Variants in ZNF527 observed in about 807,000 individuals in gnomAD.
The protein encoded by ZNF527 is zinc finger protein 527.
ZNF527 carries 5 observed loss-of-function variants against 13.5 expected under a neutral mutation model. The ratio of observed to expected loss-of-function variants is 0.37; its 90% CI spans 0.19 to 0.78. The LOEUF (loss-of-function observed/expected upper bound fraction) is 0.78, where lower values mean the gene tolerates loss of function less well. Ranked by LOEUF, ZNF527 falls within the 30% of genes least tolerant of loss-of-function variation. The probability of loss-of-function intolerance (pLI) is 0.48; values close to 1 mark genes in which losing one functional copy is unlikely to be tolerated. For synonymous variants in ZNF527, 209 were observed against 243.1 expected (o/e 0.86, Z 1.30); for missense variants, 628 against 726.4 (o/e 0.86, Z 1.56).
rs1454016682 is a variant in ZNF527, at chr19:37,388,608, A to G, written c.559A>G (p.Ile187Val). Reference protein sequence around the residue: ...VFLTQQKVPTIQQVHKFDIYD... With the variant: ...VFLTQQKVPTVQQVHKFDIYD... ...TTTAACACAACAGAAAGTTCCTACC[A>G]TACAGCAAGTACATAAATTTGATAT... is the stretch of plus-strand genomic sequence containing the variant. Residue 187 changes from isoleucine to valine, a missense_variant, in exon 5 of 5, where the codon ATA becomes GTA. Around this residue, in one of 3 missense-constraint regions of ZNF527, gnomAD observed 592 missense variants for 678.0 expected, o/e 0.87. Transcript: ENST00000436120. 1.2e-5 allele frequency: 19 copies of G among 1,614,016 alleles called. No individual in the cohort carries two copies. Among genetic ancestry groups the G allele is most frequent in the East Asian group, 2.2e-5 (1 of 44,888 alleles).
chr19:37,380,052 T>C, intron 3 of ZNF527: 2 of 710,162 alleles, frequency 2.8e-6, no homozygotes, highest in Non-Finnish European at 4.1e-6. Flanking sequence ...TCCTAGGTGA[T>C]GGCTGCAGCT....
chr19:37,380,205 C>T, intron 3 of ZNF527, 72 bp from the exon 4 acceptor site: 1 of 1,590,588 alleles, frequency 6.3e-7, no homozygotes, highest in South Asian at 1.1e-5. Context: ...TCCTAGACAG[C>T]TGTGGCATGT....
At position 37,390,275 on chromosome 19, in the gene ZNF527, C is replaced by T. The variant is rs191121542; in HGVS notation, c.*396C>T. 5.2e-4 allele frequency: 90 copies of T among 173,590 alleles called. No individual in the cohort carries two copies. Among genetic ancestry groups the T allele is most frequent in the Non-Finnish European group, 8.7e-4 (70 of 80,854 alleles). 10.8% of individuals were successfully genotyped at this position (173,590 alleles called of 1,614,324 possible). On this transcript the variant is annotated 3_prime_UTR_variant, in exon 5 of 5. Coordinates refer to ENST00000436120, the MANE Select transcript of ZNF527 (RefSeq NM_032453.2). Reference sequence around the variant, plus strand: ...AACTCCTGACTTTAGGTGATCCACACGCCTCAGACTCCCAAAGTGCTGGGA... The same window carrying T: ...AACTCCTGACTTTAGGTGATCCACATGCCTCAGACTCCCAAAGTGCTGGGA...
chr19:37,386,077 T>C (rs2040695574), intron 4 of ZNF527, among the ~76,000 whole-genome samples: 1 of 151,708 alleles, frequency 6.6e-6, no homozygotes, highest in Non-Finnish European at 1.5e-5. Context: ...ATAAGATCTT[T>C]GTTGTATTAA....
chr19:37,375,326 TCTTTCTTTCTTTC>T (rs1225738663), intron 2 of ZNF527, among the ~76,000 whole-genome samples: 4 of 147,738 alleles, frequency 2.7e-5, no homozygotes, highest in Admixed American at 6.8e-5. Context: ...TTTCTTTCTT[TCTTTCTTTCTTTC>T]CTTTCTTTCC....
At chr19:37,373,419 G>T (rs970285877) in intron 1 of ZNF527, among the ~76,000 whole-genome samples, 4 of 152,194 alleles carry the variant, frequency 2.6e-5, no homozygotes, top group Admixed American at 2.6e-4. Context: ...ATTACATAAG[G>T]CACAGTAAAA....
chr19:37,372,467 C>CTTTTTTTTT (rs1022024971), intron 1 of ZNF527, among the ~76,000 whole-genome samples: 31 of 65,654 alleles, frequency 4.7e-4, no homozygotes, highest in East Asian at 1.5e-3. Context: ...CTTTTCTTTT[C>CTTTTTTTTT]TTTTTTTTTT....
At chr19:37,373,374 G>T (rs1006478381) in intron 1 of ZNF527, among the ~76,000 whole-genome samples, 1 of 152,172 alleles carries the variant, frequency 6.6e-6, no homozygotes, top group Non-Finnish European at 1.5e-5. Context: ...AAAATTACTT[G>T]CCCAACACAG....
chr19:37,387,059 A>G (rs959016150), intron 4 of ZNF527, among the ~76,000 whole-genome samples: 1 of 152,252 alleles, frequency 6.6e-6, no homozygotes, highest in Non-Finnish European at 1.5e-5. Flanking sequence ...TGTATTGGAA[A>G]GAAGAAAGAT....
At position 37,389,125 on chromosome 19, in the gene ZNF527, C is replaced by T. The variant is rs375558431; in HGVS notation, c.1076C>T (p.Ala359Val). 40 of 1,613,482 alleles carry T rather than the reference C, an allele frequency of 2.5e-5. No individual in the cohort carries two copies. Among genetic ancestry groups the T allele is most frequent in the South Asian group, 9.9e-5 (9 of 91,054 alleles). The change falls in exon 5 of 5, where the codon GCG becomes GTG. Residue 359 changes from alanine (A) to valine (V), a missense_variant. Ala to Val is a moderately conservative substitution (Grantham distance 64). Coordinates refer to ENST00000436120, the MANE Select transcript of ZNF527 (RefSeq NM_032453.2). ...ATCCACACTGGAGAGAAACCGTTTG[C>T]GTGCAATGAATGTGGGAAGGCCTTT... ...QRIHTGEKPF[A>V]CNECGKAFSR...
chr19:37,384,555 T>G (rs866474968), intron 4 of ZNF527, among the ~76,000 whole-genome samples: 17 of 151,910 alleles, frequency 1.1e-4, no homozygotes, highest in African/African-American at 3.9e-4. Flanking sequence ...AACATGGAAG[T>G]GCATGTTTTA....
At chr19:37,380,993 TCTC>T (rs1223614572) in intron 4 of ZNF527, among the ~76,000 whole-genome samples, 2 of 152,146 alleles carry the variant, frequency 1.3e-5, no homozygotes, top group African/African-American at 4.8e-5. Flanking sequence ...AGCACTTTCT[TCTC>T]CTGAATCCAA....
intron 4 of ZNF527, among the ~76,000 whole-genome samples, chr19:37,382,336 C>T (rs1174202271): frequency 6.6e-6 from 1 of 151,826 alleles, no homozygotes; most frequent in Non-Finnish European, 1.5e-5. Context: ...TAGATATTTA[C>T]ACACACACCC....
chr19:37,385,671 TA>T (rs1415127822), intron 4 of ZNF527: 1 of 246,034 alleles, frequency 4.1e-6, no homozygotes, highest in Non-Finnish European at 7.7e-6. Context: ...TAACCTGTGG[TA>T]AAAACATATG....
intron 2 of ZNF527, among the ~76,000 whole-genome samples, chr19:37,376,264 C>T (rs1385888810): frequency 2.6e-5 from 4 of 152,078 alleles, no homozygotes; most frequent in Admixed American, 6.6e-5. Context: ...GTGGGAGGAT[C>T]GCTTGAGCCC....
chr19:37,380,426 A>G lies in ZNF527; in HGVS notation c.256+54A>G. The stretch of plus-strand genomic sequence containing the variant: ...ACTATTGTAAGGTACTCAACCAAGT[A>G]GTAAGTAGGAAACTGTTTTGAGCTT... On this transcript the variant is annotated intron_variant, in intron 4 of 4. Coordinates refer to ENST00000436120, the MANE Select transcript of ZNF527 (RefSeq NM_032453.2). The G allele has an allele frequency of 2.0e-6, 3 of 1,482,580 alleles. No individual in the cohort carries two copies. In the South Asian group the frequency reaches 3.5e-5, roughly 17 times the overall value. 91.8% of individuals were successfully genotyped at this position (1,482,580 alleles called of 1,614,324 possible).
chr19:37,389,587 T>G lies in ZNF527; in HGVS notation c.1538T>G (p.Leu513Arg). ...AAAGCCTTCAGTGATGCTTTAGTTC[T>G]AATTCACCATAAGAGAAGTCATGCA... ...CGKAFSDALVLIHHKRSHAGE... is the reference protein window; with the variant it reads ...CGKAFSDALVRIHHKRSHAGE... The change falls in exon 5 of 5, where the codon CTA (leucine) becomes CGA (arginine). Residue 513 changes from leucine (L) to arginine (R), a missense_variant. Around this residue, in one of 3 missense-constraint regions of ZNF527, gnomAD observed 592 missense variants for 678.0 expected, o/e 0.87. Coordinates refer to ENST00000436120, the MANE Select transcript of ZNF527 (RefSeq NM_032453.2). 1 of 1,614,196 alleles carries G rather than the reference T, an allele frequency of 6.2e-7. No homozygotes were observed.
chr19:37,388,776 G>C lies in ZNF527; in HGVS notation c.727G>C (p.Glu243Gln), dbSNP rs1361780665. Residue 243 changes from glutamate (E) to glutamine (Q), a missense_variant, in exon 5 of 5, where the codon GAG (glutamate) becomes CAG (glutamine). Coordinates refer to ENST00000436120, the MANE Select transcript of ZNF527 (RefSeq NM_032453.2). ...TAAAGATATAGGAATTCCTCCTGGG[G>C]AGAAACCTTATGAAAGTCATGATTT... ...LSKDIGIPPG[E>Q]KPYESHDFSK... is the part of the protein sequence containing the mutation. 1 of 1,613,088 alleles carries C rather than the reference G, an allele frequency of 6.2e-7. No homozygotes were observed. The highest frequency in any genetic ancestry group is 1.7e-5 in the Admixed American group (1 of 59,858).
rs2040756213 is a variant in ZNF527 at position 37,391,687 on chromosome 19, G to C, written c.*1808G>C. 1 of 152,118 alleles carries C rather than the reference G, an allele frequency of 6.6e-6. No homozygotes were observed. Among genetic ancestry groups the C allele is most frequent in the South Asian group, 2.1e-4 (1 of 4,828 alleles). The allele number at this position is 152,118 out of a possible 1,614,324, so 9.4% of individuals were successfully genotyped here. On this transcript the variant is annotated 3_prime_UTR_variant, in exon 5 of 5. Coordinates refer to ENST00000436120, the MANE Select transcript of ZNF527 (RefSeq NM_032453.2). ...CAAACAAAGATATTGCTGGCAGAAA[G>C]AATGAGTCATTTTTAACAAATGGTA...
Sources: gnomAD v4.1 joint callset for allele counts (sites outside exome capture counted in the v4.1 genomes callset) on GRCh38, gnomAD v4.1.1 for gene constraint, gnomAD v4.1.1 regional missense constraint, MANE v1.5 for transcripts, NCBI Gene and HGNC (gene_info 2026-07-23, HGNC 2026-07-21) for gene names.